The following RGL1 variants were observed in gnomAD, a reference collection of about 807,000 sequenced individuals.
RGL1 encodes the protein ral guanine nucleotide dissociation stimulator like 1.
In RGL1, 24 loss-of-function variants were observed where a neutral mutation model predicts 95.2. The ratio of observed to expected loss-of-function variants is 0.25; its 90% confidence interval spans 0.18 to 0.35. The LOEUF (loss-of-function observed/expected upper bound fraction) is 0.35. Among genes scored for constraint, RGL1 ranks in the 10% least tolerant of loss-of-function variants. The pLI, the probability that RGL1 is intolerant of heterozygous loss-of-function variation, is 1.00. For missense variants in RGL1, 715 were observed against 936.3 expected (o/e 0.76, Z 3.08); for synonymous variants, 329 against 344.9 (o/e 0.95, Z 0.51).
intron 3 of RGL1, among the ~76,000 whole-genome samples, chr1:183,857,269 A>G (rs1320788258): frequency 6.6e-6 from 1 of 152,210 alleles, no homozygotes; most frequent in Non-Finnish European, 1.5e-5. Flanking sequence ...AAGCTAGAAA[A>G]GGGGATTGAA....
At chr1:183,815,360 C>A (rs1362570753) in intron 2 of RGL1, among the ~76,000 whole-genome samples, 10 of 152,036 alleles carry the variant, frequency 6.6e-5, no homozygotes, top group African/African-American at 2.4e-4. Flanking sequence ...GTAATTGAAG[C>A]ATTTGGTTAG....
At chr1:183,642,385 A>G (rs1649984653) in intron 1 of RGL1, among the ~76,000 whole-genome samples, 1 of 152,216 alleles carries the variant, frequency 6.6e-6, no homozygotes, top group African/African-American at 2.4e-5. Context: ...ATATTCAATC[A>G]GCAAGTGGCA....
intron 1 of RGL1, among the ~76,000 whole-genome samples, chr1:183,700,489 T>G (rs1333723913): frequency 6.6e-6 from 1 of 152,116 alleles, no homozygotes; most frequent in Non-Finnish European, 1.5e-5. Context: ...ATGTGCAGTT[T>G]TGTTACATAG....
In RGL1 at chr1:183,724,856, T is replaced by C. The variant is rs1656219235; in HGVS notation, c.-32-17270T>C. Among the ~76,000 whole-genome samples the C allele has an allele frequency of 6.6e-6, 1 of 152,008 alleles. No individual in the cohort carries two copies. Among genetic ancestry groups the C allele is most frequent in the African/African-American group, 2.4e-5 (1 of 41,372 alleles). On this transcript the variant is annotated intron_variant, in intron 1 of 18. Transcript: ENST00000304685. This position sits in a 1 kb window ranked among gnomAD's most constrained non-coding sequence, Gnocchi z 4.1. ...AGGCAGATAGTGGTTATAGCAGGCT[T>C]TGAGCGAGGCCCAGAGCTCTGCTGG...
intron 2 of RGL1, among the ~76,000 whole-genome samples, chr1:183,841,919 AC>A (rs1664086937): frequency 6.6e-6 from 1 of 152,180 alleles, no homozygotes; most frequent in Non-Finnish European, 1.5e-5. Flanking sequence ...GAATGGGGAT[AC>A]TTGAATGGTA....
chr1:183,721,163 C>T (rs891871226), intron 1 of RGL1, among the ~76,000 whole-genome samples: 1 of 152,140 alleles, frequency 6.6e-6, no homozygotes, highest in African/African-American at 2.4e-5. Context: ...CCACAGGCTG[C>T]TCATTCTCAG....
chr1:183,834,470 T>G (rs1393632476), intron 2 of RGL1, among the ~76,000 whole-genome samples: 2 of 152,200 alleles, frequency 1.3e-5, no homozygotes, highest in East Asian at 3.8e-4. Context: ...ACTCCCTCTG[T>G]GAGGCTCCTG....
chr1:183,718,925 C>A (rs1397241063), intron 1 of RGL1, among the ~76,000 whole-genome samples: 2 of 151,746 alleles, frequency 1.3e-5, no homozygotes, highest in African/African-American at 4.8e-5. Context: ...AAAAACAAAA[C>A]AAAACAAAAA....
At chr1:183,876,031 C>T (rs922292246) in intron 4 of RGL1, among the ~76,000 whole-genome samples, 1 of 152,160 alleles carries the variant, frequency 6.6e-6, no homozygotes, top group Non-Finnish European at 1.5e-5. Flanking sequence ...CCAGAATCCT[C>T]ATCCCACTGA....
intron 14 of RGL1, among the ~76,000 whole-genome samples, chr1:183,911,376 T>C (rs568232114): frequency 6.6e-6 from 1 of 152,338 alleles, no homozygotes; most frequent in East Asian, 1.9e-4. Context: ...TTGTGGGCCC[T>C]GGCTGTATAT....
chr1:183,786,710 T>A (rs1332621142), intron 2 of RGL1, among the ~76,000 whole-genome samples: 1 of 152,092 alleles, frequency 6.6e-6, no homozygotes, highest in Non-Finnish European at 1.5e-5. Flanking sequence ...TGTGGACAAA[T>A]GTTCTAAGGA....
chr1:183,888,555 A>G lies in RGL1; in HGVS notation c.1033A>G (p.Lys345Glu). 1 of 1,612,896 alleles carries G rather than the reference A, an allele frequency of 6.2e-7. No individual in the cohort carries two copies. Among genetic ancestry groups the G allele is most frequent in the Non-Finnish European group, 8.5e-7 (1 of 1,178,964 alleles). The change falls in exon 8 of 18, where the codon AAG (lysine) becomes GAG (glutamate). Residue 345 changes from lysine (K) to glutamate (E), a missense_variant. Around this residue, in one of 3 missense-constraint regions of RGL1, gnomAD observed 381 missense variants for 484.8 expected, o/e 0.79. Transcript: ENST00000360851. ...LQSNSIYRLK[K>E]TWAAVPRDRM... is the part of the protein sequence containing the mutation. ...GTCTAATTCCATCTATCGGTTAAAA[A>G]AGACTTGGGCTGCCGTCCCAAGGTA... is the stretch of plus-strand genomic sequence containing the variant.
chr1:183,846,361 G>A (rs1360226758), intron 2 of RGL1, among the ~76,000 whole-genome samples: 1 of 151,854 alleles, frequency 6.6e-6, no homozygotes, highest in Non-Finnish European at 1.5e-5. Flanking sequence ...TATGGACACA[G>A]AGAGGGGAAC....
At chr1:183,684,584 C>T (rs1653445502) in intron 1 of RGL1, among the ~76,000 whole-genome samples, 1 of 152,136 alleles carries the variant, frequency 6.6e-6, no homozygotes, top group East Asian at 1.9e-4. Context: ...AGCCCCCTTT[C>T]CAGGGGAGTG....
At chr1:183,810,409 T>C (rs1661630239) in intron 2 of RGL1, among the ~76,000 whole-genome samples, 1 of 152,232 alleles carries the variant, frequency 6.6e-6, no homozygotes, top group Non-Finnish European at 1.5e-5. Flanking sequence ...GCAGTCCTTG[T>C]GGTGGGGCAC....
chr1:183,639,529 A>C (rs1007664606), intron 1 of RGL1, among the ~76,000 whole-genome samples: 1 of 152,194 alleles, frequency 6.6e-6, no homozygotes, highest in Non-Finnish European at 1.5e-5. Flanking sequence ...TAATACTCCT[A>C]TGAATATCTA....
chr1:183,722,177 A>G (rs957773662), intron 1 of RGL1, among the ~76,000 whole-genome samples: 4 of 151,908 alleles, frequency 2.6e-5, no homozygotes, highest in Admixed American at 2.0e-4. Flanking sequence ...ATGGAAGTCA[A>G]TGATGGAGAG....
At chr1:183,661,587 G>A (rs1334236448) in intron 1 of RGL1, among the ~76,000 whole-genome samples, 1 of 151,588 alleles carries the variant, frequency 6.6e-6, no homozygotes, top group African/African-American at 2.4e-5. Context: ...ACGAAAAAGA[G>A]TCCAGGACCA....
At chr1:183,645,894 G>A (rs958021594) in intron 1 of RGL1, among the ~76,000 whole-genome samples, 7 of 152,132 alleles carry the variant, frequency 4.6e-5, no homozygotes, top group South Asian at 2.1e-4. Context: ...TAGTCTTATC[G>A]AACCAGTACA....
Sources: allele counts gnomAD v4.1 joint callset (sites outside exome capture counted in the v4.1 genomes callset), GRCh38; gene constraint gnomAD v4.1.1; regional missense constraint gnomAD v4.1.1; non-coding constraint Gnocchi (gnomAD v3.1); transcripts MANE v1.5; gene names NCBI Gene and HGNC (gene_info 2026-07-23, HGNC 2026-07-21).